ALAS2: variants seen among roughly 807,000 people sequenced by gnomAD.
ALAS2 encodes the protein 5-aminolevulinate synthase, erythroid-specific, mitochondrial.
ALAS2 carries 3 observed loss-of-function variants against 33.7 expected under a neutral mutation model. The ratio of observed to expected loss-of-function variants is 0.09; its 90% CI spans 0.04 to 0.23. The LOEUF (loss-of-function observed/expected upper bound fraction) is 0.23, where lower values mean the gene tolerates loss of function less well. Ranked by LOEUF, ALAS2 falls within the 10% of genes least tolerant of loss-of-function variation. The pLI is 1.00. For missense variants in ALAS2, 304 were observed against 475.1 expected (o/e 0.64, Z 3.35); for synonymous variants, 191 against 177.3 (o/e 1.08, Z -0.61).
At chrX:55,021,650 C>T (rs1266815358) in intron 4 of ALAS2, among the ~76,000 whole-genome samples, 1 of 112,062 alleles carries the variant, frequency 8.9e-6, no homozygotes, top group African/African-American at 3.2e-5. Context: ...TGGCCTTGAA[C>T]AAGTCATGAA....
intron 7 of ALAS2, 88 bp from the exon 8 acceptor site, chrX:55,015,830 T>G: frequency 9.3e-7 from 1 of 1,080,412 alleles, no homozygotes. Flanking sequence ...ATGCCTACTT[T>G]GGGTTGGAAA....
chrX:55,013,742 A>G (rs764335651), intron 9 of ALAS2, 94 bp from the exon 10 acceptor site: 4 of 1,051,677 alleles, frequency 3.8e-6, no homozygotes, highest in Non-Finnish European at 5.3e-6. Flanking sequence ...ATGAGGGAAC[A>G]TCACTGAATT....
At chrX:55,013,737 G>A in intron 9 of ALAS2, 89 bp from the exon 10 acceptor site, 1 of 1,063,770 alleles carries the variant, frequency 9.4e-7, no homozygotes, top group Non-Finnish European at 1.3e-6. Context: ...ACTAGATGAG[G>A]GAACATCACT....
chrX:55,022,470 T>G, intron 4 of ALAS2, among the ~76,000 whole-genome samples: 1 of 111,132 alleles, frequency 9.0e-6, no homozygotes, highest in Non-Finnish European at 1.9e-5. Context: ...TCAGGAAAAA[T>G]AAAACTGGGA....
At position 55,024,820 on chromosome X, in the gene ALAS2, C is replaced by T; in HGVS notation, c.202G>A (p.Gly68Ser). The T allele has an allele frequency of 8.3e-7, 1 of 1,211,424 alleles. No individual in the cohort carries two copies. Among genetic ancestry groups the T allele is most frequent in the Non-Finnish European group, 1.1e-6 (1 of 895,292 alleles). ...TCCGACAGCATGAAGGGACAGTGGC[C>T]CTTCGCCCAAGATGGAGAATCTATG... Reference protein sequence around the residue: ...AGGDSPSWAKGHCPFMLSELQ... With the variant: ...AGGDSPSWAKSHCPFMLSELQ... The change falls in exon 3 of 11, where the codon GGC (glycine) becomes AGC (serine). Residue 68 changes from glycine (G) to serine (S), a missense_variant. Transcript: ENST00000650242.
rs368251919 is a variant in ALAS2, at chrX:55,017,645, C to T, written c.844G>A (p.Ala282Thr). Residue 282 changes from alanine to threonine, a missense_variant, in exon 7 of 11, where the codon GCA (alanine) becomes ACA (threonine). Ala to Thr is a moderately conservative substitution (Grantham distance 58). This residue lies in a region of ALAS2 where 138 missense variants were observed against 265.3 expected (regional missense o/e 0.52). Transcript: ENST00000650242. ...ILPGCEIYSD[A>T]GNHASMIQGI... ...TGGATCATGGAAGCATGGTTGCCTG[C>T]GTCTGAGTAAATCTCGCACCCTGAG... is the stretch of plus-strand genomic sequence containing the variant. 4.5e-5 allele frequency: 54 copies of T among 1,209,885 alleles called. No homozygotes were observed. The highest frequency in any genetic ancestry group is 3.5e-5 in the African/African-American group (2 of 57,112).
intron 4 of ALAS2, among the ~76,000 whole-genome samples, chrX:55,022,180 C>T (rs1250259384): frequency 8.9e-6 from 1 of 112,313 alleles, no homozygotes; most frequent in African/African-American, 3.2e-5. Flanking sequence ...TTACGTGAGA[C>T]AGAAATCATG....
intron 6 of ALAS2, among the ~76,000 whole-genome samples, chrX:55,018,581 G>C (rs1279657952): frequency 8.9e-6 from 1 of 111,919 alleles, no homozygotes; most frequent in African/African-American, 3.3e-5. Flanking sequence ...ATAAACTGAT[G>C]ACAGATTTAT....
chrX:55,027,798 C>T, intron 1 of ALAS2: 1 of 1,211,536 alleles, frequency 8.3e-7, no homozygotes, highest in Non-Finnish European at 1.1e-6. Context: ...GCAACCTCTC[C>T]CCCTCTCATG....
In ALAS2 at chrX:55,025,953, C is replaced by T. The variant is rs747029635; in HGVS notation, c.48G>A (p.Arg16=). Residue 16 remains arginine (R), a synonymous_variant, in exon 2 of 11, where the codon CGG becomes CGA. Coordinates refer to ENST00000650242, the MANE Select transcript of ALAS2 (RefSeq NM_000032.5). ...MLLQCCPVLA[R]GPTSLLGKVV... ...CCTTGCCTAGGAGGCTTGTGGGGCC[C>T]CGGGCAAGCACTGGGCAGCACTGTA... 3 of 1,211,317 alleles carry T rather than the reference C, an allele frequency of 2.5e-6. No individual in the cohort carries two copies. In the East Asian group the frequency reaches 8.9e-5, roughly 36 times the overall value.
chrX:55,027,552 A>G (rs2146728920), intron 1 of ALAS2, among the ~76,000 whole-genome samples: 1 of 111,513 alleles, frequency 9.0e-6, no homozygotes, highest in South Asian at 3.9e-4. Context: ...AAGATAAGGG[A>G]CAGTACAATG....
At chrX:55,014,724 A>G in intron 9 of ALAS2, 23 bp downstream of exon 9, 1 of 1,151,762 alleles carries the variant, frequency 8.7e-7, no homozygotes. Context: ...TGGAGAGGGC[A>G]ATGGGCATGG....
intron 1 of ALAS2, 106 bp from the exon 2 acceptor site, chrX:55,026,121 G>T: frequency 2.9e-6 from 2 of 698,671 alleles, no homozygotes; most frequent in African/African-American, 2.1e-5. Context: ...CTGCCTCCGA[G>T]ATGCTCTTAT....
At chrX:55,016,229 C>T (rs190291914) in intron 7 of ALAS2, among the ~76,000 whole-genome samples, 5 of 109,781 alleles carry the variant, frequency 4.6e-5, no homozygotes, top group East Asian at 5.7e-4. Context: ...GCAAATGTAA[C>T]GAGGTAGAAT....
At position 55,024,701 on chromosome X, in the gene ALAS2, T is replaced by C; in HGVS notation, c.304+17A>G. 8.3e-7 allele frequency: 1 copy of C among 1,210,946 alleles called. No individual in the cohort carries two copies. The highest frequency in any genetic ancestry group is 1.1e-6 in the Non-Finnish European group (1 of 895,001). ...CATTAGGAGTAAAGGTTGCATAAGG[T>C]GGAACTTGACTCCAACCTGTCTTGA... On this transcript the variant is annotated intron_variant, in intron 3 of 10. Transcript: ENST00000650242.
intron 10 of ALAS2, among the ~76,000 whole-genome samples, chrX:55,009,970 C>T (rs1360140925): frequency 9.0e-6 from 1 of 111,584 alleles, no homozygotes; most frequent in Non-Finnish European, 1.9e-5. Context: ...TCTCCATCTC[C>T]ACCTAGATGT....
Position 55,012,794 on chromosome X carries a change from AAAAAAC to A in ALAS2, c.1600+686_1600+691del, listed in dbSNP as rs1285317079. ...GGCTACAGAGCCAGACTCTGTCTCA[AAAAAAC>A]AAAAACAAAAACAAACAAACAAAAA... On this transcript the variant is annotated intron_variant, in intron 10 of 10. Coordinates refer to ENST00000650242, the MANE Select transcript of ALAS2 (RefSeq NM_000032.5). Among the ~76,000 whole-genome samples, 3 of 112,329 alleles carry A rather than the reference AAAAAAC, an allele frequency of 2.7e-5. No individual in the cohort carries two copies. The East Asian group carries it at 8.4e-4, about 32-fold the overall frequency.
chrX:55,021,237 G>A lies in ALAS2; in HGVS notation c.453C>T (p.Asp151=). The change falls in exon 5 of 11, where the codon GAC becomes GAT. Residue 151 remains aspartate, a synonymous_variant. Coordinates refer to ENST00000650242, the MANE Select transcript of ALAS2 (RefSeq NM_000032.5). ...YVFSYDQFFR[D]KIMEKKQDHT... is the part of the protein sequence containing the mutation. ...GATCCTGTTTCTTCTCCATGATCTT[G>A]TCCCTGAAAAACTGGTCATAACTGA... The A allele has an allele frequency of 8.3e-7, 1 of 1,211,612 alleles. No individual in the cohort carries two copies.
intron 1 of ALAS2, among the ~76,000 whole-genome samples, chrX:55,028,946 C>A (rs1246023809): frequency 8.9e-6 from 1 of 111,838 alleles, no homozygotes; most frequent in East Asian, 2.8e-4. Context: ...TGCTGTACAT[C>A]TTATATCTGG....
Sources: allele counts gnomAD v4.1 joint callset (sites outside exome capture counted in the v4.1 genomes callset), GRCh38; gene constraint gnomAD v4.1.1; regional missense constraint gnomAD v4.1.1; transcripts MANE v1.5; gene names NCBI Gene and HGNC (gene_info 2026-07-23, HGNC 2026-07-21).